The following HSPA12A variants were observed in gnomAD, a reference collection of about 807,000 sequenced individuals.
HSPA12A encodes the protein heat shock protein family A (Hsp70) member 12A, also known as heat shock 70 kDa protein 12A.
A neutral mutation model predicts 69.2 loss-of-function variants in HSPA12A; 28 were observed. That is an observed-to-expected ratio of 0.40 (90% CI 0.30 to 0.55). HSPA12A has a LOEUF of 0.55. HSPA12A is among the 20% of genes least tolerant of loss of function. The pLI is 0.38. For synonymous variants in HSPA12A, 345 were observed against 370.5 expected (o/e 0.93, Z 0.79); for missense variants, 686 against 900.7 (o/e 0.76, Z 3.05).
chr10:116,806,727 G>T (rs1212538994), intron 2 of HSPA12A, among the ~76,000 whole-genome samples: 1 of 152,214 alleles, frequency 6.6e-6, no homozygotes, highest in Non-Finnish European at 1.5e-5. Context: ...AGGCCATTGG[G>T]AGACAGAAGG....
chr10:116,705,131 C>G lies in HSPA12A; in HGVS notation c.254+20G>C, dbSNP rs1850201262. The stretch of plus-strand genomic sequence containing the variant: ...AGTGGTTGGCACCAGCCACGTGGCC[C>G]TCCCACCCACAGCACTCACCTCATC... On this transcript the variant is annotated intron_variant, in intron 3 of 11. Transcript: ENST00000369209. The G allele has an allele frequency of 5.6e-6, 9 of 1,613,400 alleles. No individual in the cohort carries two copies. The highest frequency in any genetic ancestry group is 1.6e-4 in the Middle Eastern group (1 of 6,076).
At chr10:116,779,953 C>T (rs749077069) in intron 2 of HSPA12A, among the ~76,000 whole-genome samples, 8 of 152,108 alleles carry the variant, frequency 5.3e-5, no homozygotes, top group Non-Finnish European at 7.4e-5. Flanking sequence ...AAGGGCTGGC[C>T]GGCCCTGAAG....
chr10:116,675,236 G>A lies in HSPA12A; in HGVS notation c.1573C>T (p.Pro525Ser), dbSNP rs1277223371. 2 of 1,613,732 alleles carry A rather than the reference G, an allele frequency of 1.2e-6. No homozygotes were observed. The highest frequency in any genetic ancestry group is 2.2e-5 in the East Asian group (1 of 44,862). ...LKGAVLFGLDPAVIKVRRSPL... is the reference protein window; with the variant it reads ...LKGAVLFGLDSAVIKVRRSPL... ...GACCGGCGCACCTTGATGACCGCGGGGTCCAGGCCAAAGAGGACGGCACCC... is the reference window on the plus strand; with the variant it reads ...GACCGGCGCACCTTGATGACCGCGGAGTCCAGGCCAAAGAGGACGGCACCC... Residue 525 changes from proline to serine, a missense_variant, in exon 12 of 12, where the codon CCC becomes TCC. By Grantham distance (74) the Pro-to-Ser change is moderately conservative (BLOSUM62 -1). Coordinates refer to ENST00000369209, the MANE Select transcript of HSPA12A (RefSeq NM_025015.3). This position sits in a 1 kb window ranked among gnomAD's most constrained non-coding sequence, Gnocchi z 5.2.
At chr10:116,708,895 G>A (rs1850339743) in intron 1 of HSPA12A, among the ~76,000 whole-genome samples, 2 of 152,212 alleles carry the variant, frequency 1.3e-5, no homozygotes, top group Non-Finnish European at 2.9e-5. Flanking sequence ...AAAATAACAA[G>A]TGTGTCAAGG....
chr10:116,743,001 T>TCC (rs1218277254), upstream of HSPA12A, among the ~76,000 whole-genome samples: 1 of 152,028 alleles, frequency 6.6e-6, no homozygotes, highest in East Asian at 2.0e-4. Flanking sequence ...CTTCTGTCTG[T>TCC]CCCCCAGGGT....
chr10:116,717,320 C>T (rs1228192130), intron 1 of HSPA12A, among the ~76,000 whole-genome samples: 2 of 152,168 alleles, frequency 1.3e-5, no homozygotes, highest in African/African-American at 2.4e-5. Context: ...AATGTAAATC[C>T]CCATTTCACA....
intron 2 of HSPA12A, among the ~76,000 whole-genome samples, chr10:116,761,254 G>A (rs532854571): frequency 6.6e-6 from 1 of 152,140 alleles, no homozygotes; most frequent in Non-Finnish European, 1.5e-5. Context: ...GGGAGGCCGA[G>A]GCAGGTGGAT....
intron 2 of HSPA12A, among the ~76,000 whole-genome samples, chr10:116,801,200 C>T (rs1844948516): frequency 6.6e-6 from 1 of 152,152 alleles, no homozygotes; most frequent in Non-Finnish European, 1.5e-5. Context: ...TGGCTGGATT[C>T]TAAGGGAATG....
intron 2 of HSPA12A, among the ~76,000 whole-genome samples, chr10:116,756,323 G>A (rs1427589352): frequency 6.6e-6 from 1 of 152,242 alleles, no homozygotes; most frequent in Non-Finnish European, 1.5e-5. Flanking sequence ...TCTCGAAAAT[G>A]CAGCTCTCAA....
chr10:116,746,280 A>T (rs1356329057), upstream of HSPA12A, among the ~76,000 whole-genome samples: 1 of 152,182 alleles, frequency 6.6e-6, no homozygotes, highest in African/African-American at 2.4e-5. Flanking sequence ...CCAGACAGCC[A>T]GGGCACTCTG....
At chr10:116,802,050 A>C (rs902601320) in intron 2 of HSPA12A, among the ~76,000 whole-genome samples, 2 of 152,214 alleles carry the variant, frequency 1.3e-5, no homozygotes. Context: ...GGGAGGGCAT[A>C]AGCTCTGGCA....
intron 1 of HSPA12A, among the ~76,000 whole-genome samples, chr10:116,845,622 C>T (rs1845868394): frequency 6.6e-6 from 1 of 152,100 alleles, no homozygotes. Context: ...CCCTTTCTTC[C>T]CTCCCATCGT....
In HSPA12A at chr10:116,766,568, G is replaced by A. The variant is rs182085133; in HGVS notation, c.92-59283C>T. Among the ~76,000 whole-genome samples the A allele has an allele frequency of 5.2e-4, 79 of 152,220 alleles. 1 individual carries two copies. The highest frequency in any genetic ancestry group is 7.4e-5 in the Non-Finnish European group (5 of 68,012). On this transcript the variant is annotated intron_variant, in intron 2 of 12. Transcript: ENST00000635765. ...CAGAGACTGCCTGGTCCCCTTCTTG[G>A]AGGCATTCAGAAGAAAGTTCATTGC...
chr10:116,685,897 C>A (rs1461882043), intron 6 of HSPA12A, among the ~76,000 whole-genome samples: 1 of 152,156 alleles, frequency 6.6e-6, no homozygotes, highest in African/African-American at 2.4e-5. Context: ...AGATAAGAAC[C>A]ACCACTCTCG....
intron 6 of HSPA12A, among the ~76,000 whole-genome samples, chr10:116,687,284 G>A (rs974199962): frequency 6.6e-5 from 10 of 152,200 alleles, no homozygotes; most frequent in African/African-American, 1.9e-4. Context: ...TGAGGATGCA[G>A]GTGGGAAGCG....
intron 2 of HSPA12A, among the ~76,000 whole-genome samples, chr10:116,806,405 T>C (rs780076387): frequency 4.3e-4 from 65 of 152,048 alleles, no homozygotes; most frequent in Admixed American, 1.0e-3. Context: ...CAGGGTTTCA[T>C]TATGTTGCCC....
Position 116,683,957 on chromosome 10 carries a change from G to A in HSPA12A, c.669C>T (p.Gly223=). 1 of 1,571,360 alleles carries A rather than the reference G, an allele frequency of 6.4e-7. No homozygotes were observed. Among genetic ancestry groups the A allele is most frequent in the South Asian group, 1.1e-5 (1 of 88,478 alleles). The change falls in exon 7 of 12, where the codon GGC becomes GGT. Residue 223 remains glycine, a synonymous_variant. Transcript: ENST00000369209. ...GCTCCGAGTTCTCGGGGGAGGCCAGGCCTGCCTGGAAGACAGAAACAGAGG... is the reference window on the plus strand; with the variant it reads ...GCTCCGAGTTCTCGGGGGAGGCCAGACCTGCCTGGAAGACAGAAACAGAGG... The part of the protein sequence containing the change: ...QFMRQAAYQA[G]LASPENSEQL...
chr10:116,769,082 A>G (rs1630816), intron 2 of HSPA12A, among the ~76,000 whole-genome samples: 28,351 of 152,092 alleles, frequency 0.19, 2,988 homozygotes, highest in East Asian at 0.25. Context: ...GTGAGACACA[A>G]ACATCGGACC....
chr10:116,679,016 C>T (rs1220424963), intron 10 of HSPA12A, among the ~76,000 whole-genome samples: 1 of 151,170 alleles, frequency 6.6e-6, no homozygotes, highest in East Asian at 1.9e-4. Flanking sequence ...GGCTTTAAAC[C>T]GTCTTCTAAA....
Sources: gnomAD v4.1 joint callset for allele counts (sites outside exome capture counted in the v4.1 genomes callset) on GRCh38, gnomAD v4.1.1 for gene constraint, Gnocchi (gnomAD v3.1) non-coding constraint, MANE v1.5 for transcripts, NCBI Gene and HGNC (gene_info 2026-07-23, HGNC 2026-07-21) for gene names.